ACTN4: variants seen among roughly 807,000 people sequenced by gnomAD.
The protein encoded by ACTN4 is alpha-actinin-4.
ACTN4 carries 18 observed loss-of-function variants against 114.2 expected under a neutral mutation model. The observed-to-expected ratio is 0.16, with a 90% CI of 0.11 to 0.23. ACTN4 has a LOEUF of 0.23. ACTN4 is among the 10% of genes least tolerant of loss of function. The probability of loss-of-function intolerance (pLI) is 1.00; values close to 1 mark genes in which losing one functional copy is unlikely to be tolerated. For missense variants in ACTN4, 722 were observed against 1,262.9 expected, an observed-to-expected ratio of 0.57 and a Z score of 6.49; for synonymous variants, 515 against 506.3, an observed-to-expected ratio of 1.02 and a Z score of -0.23.
intron 1 of ACTN4, among the ~76,000 whole-genome samples, chr19:38,664,084 G>T (rs1029020811): frequency 1.3e-5 from 2 of 152,198 alleles, no homozygotes; most frequent in Non-Finnish European, 2.9e-5. Flanking sequence ...AAGTGGGATC[G>T]GCTCCCAGTC....
rs1568754170 is a variant in ACTN4, at chr19:38,729,377, G to A, written c.2681G>A (p.Gly894Asp). ...APYQGPDAVP[G>D]ALDYKSFSTA... ...TACCAGGGCCCTGACGCCGTGCCCG[G>A]TGCCCTCGACTACAAGTCCTTCTCC... The change falls in exon 21 of 21, where the codon GGT (glycine) becomes GAT (aspartate). Residue 894 changes from glycine (G) to aspartate (D), a missense_variant. By Grantham distance (94) the Gly-to-Asp change is moderately conservative. Coordinates refer to ENST00000252699, the MANE Select transcript of ACTN4 (RefSeq NM_004924.6). The A allele has an allele frequency of 6.2e-7, 1 of 1,612,722 alleles. No individual in the cohort carries two copies. The highest frequency in any genetic ancestry group is 2.2e-5 in the East Asian group (1 of 44,856).
chr19:38,673,661 ATATTATATATATT>A (rs1967256941), intron 1 of ACTN4, among the ~76,000 whole-genome samples: 1 of 15,144 alleles, frequency 6.6e-5, no homozygotes, highest in Non-Finnish European at 2.2e-4. Context: ...ATATTTATAT[ATATTATATATATT>A]TATATATTTA....
rs1491223484 is a variant in ACTN4 at position 38,673,568 on chromosome 19, T to TATATAA, written c.162+25666_162+25667insAATATA. Reference sequence around the variant, plus strand: ...ATATTTATATATACTTATATATATTTATATATATTCATATATATTTATATA... The same window carrying TATATAA: ...ATATTTATATATACTTATATATATTTATATAAATATATATTCATATATATTTATATA... On this transcript the variant is annotated intron_variant, in intron 1 of 20. Transcript: ENST00000252699. 1.5e-3 allele frequency among the ~76,000 whole-genome samples: 55 copies of TATATAA among 37,886 alleles called. 2 individuals carry two copies. Among genetic ancestry groups the TATATAA allele is most frequent in the Non-Finnish European group, 3.8e-3 (52 of 13,538 alleles). The allele number at this position is 37,886 out of a possible 152,430, so 24.9% of individuals were successfully genotyped here.
chr19:38,700,409 C>G (rs1968232385), intron 1 of ACTN4, among the ~76,000 whole-genome samples, 191 bp from the exon 2 acceptor site: 1 of 152,300 alleles, frequency 6.6e-6, no homozygotes, highest in East Asian at 1.9e-4. Context: ...TCAGTTTCCT[C>G]ACATCTGCCT....
At position 38,727,713 on chromosome 19, in the gene ACTN4, C is replaced by T. The variant is rs1309790762; in HGVS notation, c.2338-233C>T. The T allele has an allele frequency of 3.7e-6, 2 of 542,322 alleles. No homozygotes were observed. Among genetic ancestry groups the T allele is most frequent in the East Asian group, 3.0e-5 (1 of 32,942 alleles). The allele number at this position is 542,322 out of a possible 1,614,324, so 33.6% of individuals were successfully genotyped here. ...CCACCCCTGCTGTGGGCAGAGAGGT[C>T]GGGGAGGCCTCTGCCTTCCTTTGAG... is the stretch of plus-strand genomic sequence containing the variant. On this transcript the variant is annotated intron_variant, in intron 18 of 20. Coordinates refer to ENST00000252699, the MANE Select transcript of ACTN4 (RefSeq NM_004924.6). The surrounding 1 kb of genome is among the most constrained non-coding windows in gnomAD (Gnocchi z 5.4).
At chr19:38,693,791 G>C (rs959666450) in intron 1 of ACTN4, among the ~76,000 whole-genome samples, 2 of 152,184 alleles carry the variant, frequency 1.3e-5, no homozygotes, top group African/African-American at 4.8e-5. Context: ...TCTCCCTCCT[G>C]CAGCCCACAG....
intron 1 of ACTN4, among the ~76,000 whole-genome samples, chr19:38,654,852 G>A (rs1976668672): frequency 6.6e-6 from 1 of 152,178 alleles, no homozygotes; most frequent in Non-Finnish European, 1.5e-5. Context: ...AGTTTGAACA[G>A]CGTTTACTCT....
intron 1 of ACTN4, among the ~76,000 whole-genome samples, chr19:38,660,643 G>A (rs534425408): frequency 5.9e-5 from 9 of 152,244 alleles, no homozygotes; most frequent in South Asian, 4.1e-4. Context: ...TGACCCACCC[G>A]CCTCAGCCAC....
At position 38,730,972 on chromosome 19, in the gene ACTN4, T is replaced by C; in HGVS notation, c.*1540T>C. The C allele has an allele frequency of 6.4e-7, 1 of 1,550,842 alleles. No homozygotes were observed. Among genetic ancestry groups the C allele is most frequent in the Non-Finnish European group, 8.7e-7 (1 of 1,147,168 alleles). On this transcript the variant is annotated 3_prime_UTR_variant, in exon 21 of 21. Coordinates refer to ENST00000252699, the MANE Select transcript of ACTN4 (RefSeq NM_004924.6). ...CCCTCCCACCTGGCTCACCTGTCTG[T>C]GGGTCAGGCAGATGACCCCCTCACC...
chr19:38,713,943 G>A (rs1012612351), intron 8 of ACTN4, among the ~76,000 whole-genome samples: 14 of 152,130 alleles, frequency 9.2e-5, no homozygotes, highest in African/African-American at 1.4e-4. Context: ...TCTGCCCCAC[G>A]GATGGTGACT....
intron 12 of ACTN4, 43 bp from the exon 13 acceptor site, chr19:38,723,571 A>C (rs765368903): frequency 1.7e-5 from 25 of 1,474,520 alleles, no homozygotes; most frequent in South Asian, 7.1e-5. Context: ...CCATCTAGCC[A>C]CTTGCCCTTG....
At chr19:38,707,882 C>T (rs903383087) in intron 5 of ACTN4, among the ~76,000 whole-genome samples, 1 of 152,230 alleles carries the variant, frequency 6.6e-6, no homozygotes, top group Non-Finnish European at 1.5e-5. Context: ...CCGAGATAGC[C>T]TGGCTTACCC....
At chr19:38,675,428 T>C (rs1967342865) in intron 1 of ACTN4, among the ~76,000 whole-genome samples, 1 of 151,940 alleles carries the variant, frequency 6.6e-6, no homozygotes, top group Non-Finnish European at 1.5e-5. Flanking sequence ...AGAGGTGAGG[T>C]CTCACCATGT....
At chr19:38,651,180 A>G (rs921181488) in intron 1 of ACTN4, among the ~76,000 whole-genome samples, 1 of 152,236 alleles carries the variant, frequency 6.6e-6, no homozygotes, top group Non-Finnish European at 1.5e-5. Flanking sequence ...TGCATCCAGA[A>G]CAGCTGTAGG....
rs993593682 is a variant in ACTN4 at position 38,730,625 on chromosome 19, C to T, written c.*1193C>T. The T allele has an allele frequency of 1.6e-5, 10 of 609,688 alleles. No individual in the cohort carries two copies. The highest frequency in any genetic ancestry group is 5.5e-5 in the African/African-American group (3 of 54,334). The allele number at this position is 609,688 out of a possible 1,614,324, so 37.8% of individuals were successfully genotyped here. On this transcript the variant is annotated 3_prime_UTR_variant, in exon 21 of 21. Coordinates refer to ENST00000252699, the MANE Select transcript of ACTN4 (RefSeq NM_004924.6). Reference sequence around the variant, plus strand: ...AGCTAGCACTGTCTTAAGCTGTCAACGTGGACTAGCTCGTGTCATCTGCTC... The same window carrying T: ...AGCTAGCACTGTCTTAAGCTGTCAATGTGGACTAGCTCGTGTCATCTGCTC...
rs1015901561 is a variant in ACTN4, at chr19:38,730,342, G to A, written c.*910G>A. 7 of 170,084 alleles carry A rather than the reference G, an allele frequency of 4.1e-5. No homozygotes were observed. In the East Asian group the frequency reaches 6.8e-4, roughly 17 times the overall value. The allele number at this position is 170,084 out of a possible 1,614,324, so 10.5% of individuals were successfully genotyped here. ...CTTGCTGATGCTCCTCCGGGTCTGC[G>A]TCGGGCGTGGGTCTCTGGGGACCCT... is the stretch of plus-strand genomic sequence containing the variant. On this transcript the variant is annotated 3_prime_UTR_variant, in exon 21 of 21. Coordinates refer to ENST00000252699, the MANE Select transcript of ACTN4 (RefSeq NM_004924.6).
intron 1 of ACTN4, among the ~76,000 whole-genome samples, chr19:38,679,673 C>T (rs1967494269): frequency 6.6e-6 from 1 of 151,694 alleles, no homozygotes; most frequent in Admixed American, 6.6e-5. Context: ...CTCACTGCGG[C>T]CTCTGAACTC....
At chr19:38,728,113 C>G in intron 19 of ACTN4, 87 bp downstream of exon 19, 1 of 1,477,588 alleles carries the variant, frequency 6.8e-7, no homozygotes. Flanking sequence ...GCCATCCCAC[C>G]CCTGCCATCC....
At chr19:38,722,660 C>G (rs965624924) in intron 12 of ACTN4, among the ~76,000 whole-genome samples, 4 of 152,234 alleles carry the variant, frequency 2.6e-5, no homozygotes, top group Non-Finnish European at 4.4e-5. Flanking sequence ...CTGCCACCAC[C>G]ACGTCCAGGC....
Sources: allele counts gnomAD v4.1 joint callset (sites outside exome capture counted in the v4.1 genomes callset), GRCh38; gene constraint gnomAD v4.1.1; non-coding constraint Gnocchi (gnomAD v3.1); transcripts MANE v1.5; gene names NCBI Gene and HGNC (gene_info 2026-07-23, HGNC 2026-07-21).